The following DAB1 variants were observed in gnomAD, a reference collection of about 807,000 sequenced individuals.
DAB1 encodes DAB adaptor protein 1, also known as disabled homolog 1.
A neutral mutation model predicts 64.6 loss-of-function variants in DAB1; 15 were observed. The ratio of observed to expected loss-of-function variants is 0.23; its 90% CI spans 0.16 to 0.36. The LOEUF is 0.36. Ranked by LOEUF, DAB1 falls within the 10% of genes least tolerant of loss-of-function variation. The pLI is 1.00. For missense variants in DAB1, 596 were observed against 706.7 expected (o/e 0.84, Z 1.78); for synonymous variants, 235 against 251.9 (o/e 0.93, Z 0.64).
At chr1:58,210,866 T>A (rs779622198) in intron 4 of DAB1, among the ~76,000 whole-genome samples, 1 of 152,290 alleles carries the variant, frequency 6.6e-6, no homozygotes, top group Non-Finnish European at 1.5e-5. Flanking sequence ...AAATGTGCTA[T>A]GAGGGGCTAA....
intron 4 of DAB1, among the ~76,000 whole-genome samples, chr1:58,312,609 A>T (rs548168857): frequency 6.6e-6 from 1 of 152,236 alleles, no homozygotes; most frequent in Non-Finnish European, 1.5e-5. Flanking sequence ...GCTAAAACTT[A>T]TAAGTGTGAG....
At chr1:57,397,579 A>G (rs1159260610) in intron 1 of DAB1, among the ~76,000 whole-genome samples, 1 of 152,186 alleles carries the variant, frequency 6.6e-6, no homozygotes, top group Non-Finnish European at 1.5e-5. Flanking sequence ...GTGCACGTCC[A>G]CACAGTCACT....
At chr1:57,548,414 C>G (rs1644878952) in intron 7 of DAB1, among the ~76,000 whole-genome samples, 1 of 152,062 alleles carries the variant, frequency 6.6e-6, no homozygotes, top group South Asian at 2.1e-4. Flanking sequence ...AGGAACTGCT[C>G]TTTATTCACC....
At chr1:57,090,305 G>T (rs1484378368) in intron 4 of DAB1, among the ~76,000 whole-genome samples, 1 of 152,130 alleles carries the variant, frequency 6.6e-6, no homozygotes, top group Non-Finnish European at 1.5e-5. Context: ...TTCACCAGTT[G>T]CACCTGCAAG....
intron 4 of DAB1, among the ~76,000 whole-genome samples, chr1:58,176,438 G>A (rs1341775586): frequency 6.6e-6 from 1 of 152,120 alleles, no homozygotes; most frequent in Non-Finnish European, 1.5e-5. Context: ...TGGTCTCTTA[G>A]TCCATTTTGT....
At chr1:57,934,063 T>TTGCGTGTGTGTG (rs1553145085) in intron 5 of DAB1, among the ~76,000 whole-genome samples, 7 of 128,052 alleles carry the variant, frequency 5.5e-5, no homozygotes, top group Non-Finnish European at 1.1e-4. Flanking sequence ...GCCCAGCTAA[T>TTGCGTGTGTGTG]TGTGTGTGTG....
chr1:57,212,513 G>A (rs1269303942), intron 2 of DAB1, among the ~76,000 whole-genome samples: 1 of 151,282 alleles, frequency 6.6e-6, no homozygotes, highest in Admixed American at 6.6e-5. Context: ...GACTACAGAC[G>A]GCTGCCACCA....
intron 6 of DAB1, among the ~76,000 whole-genome samples, chr1:57,660,449 A>G (rs868842647): frequency 6.6e-6 from 1 of 152,194 alleles, no homozygotes; most frequent in African/African-American, 2.4e-5. Flanking sequence ...CTTGAGAGAT[A>G]CCAAGGGTAG....
At chr1:58,017,691 G>A (rs1182339210) in intron 5 of DAB1, among the ~76,000 whole-genome samples, 1 of 152,158 alleles carries the variant, frequency 6.6e-6, no homozygotes, top group African/African-American at 2.4e-5. Context: ...GCTACCCTGG[G>A]GGTAGAAGAC....
At chr1:57,853,547 G>A (rs1653624917) in intron 1 of DAB1, among the ~76,000 whole-genome samples, 2 of 151,990 alleles carry the variant, frequency 1.3e-5, no homozygotes, top group Non-Finnish European at 1.5e-5. Context: ...CTTTAGGCAG[G>A]ACCCAGAATC....
chr1:57,228,770 A>G (rs1303616318), intron 2 of DAB1, among the ~76,000 whole-genome samples: 1 of 152,206 alleles, frequency 6.6e-6, no homozygotes, highest in African/African-American at 2.4e-5. Context: ...AGGCCAAAGG[A>G]TAGAATAGTT....
At chr1:57,416,170 T>A (rs1289004999) in intron 1 of DAB1, among the ~76,000 whole-genome samples, 3 of 152,158 alleles carry the variant, frequency 2.0e-5, no homozygotes, top group Non-Finnish European at 4.4e-5. Context: ...ATATATACCA[T>A]AATATATGAA....
intron 1 of DAB1, among the ~76,000 whole-genome samples, chr1:57,353,942 T>G (rs990906929): frequency 6.6e-6 from 1 of 152,136 alleles, no homozygotes; most frequent in Non-Finnish European, 1.5e-5. Context: ...ACTTAAAAAT[T>G]CTCTAGTAAT....
At chr1:58,076,753 C>T (rs933765206) in intron 5 of DAB1, among the ~76,000 whole-genome samples, 2 of 152,222 alleles carry the variant, frequency 1.3e-5, no homozygotes, top group African/African-American at 4.8e-5. Flanking sequence ...TTCCCCTCCT[C>T]CTCGCTGCCC....
At chr1:57,789,119 TCCCTGAACCA>T (rs1019903998) in intron 6 of DAB1, among the ~76,000 whole-genome samples, 17 of 152,026 alleles carry the variant, frequency 1.1e-4, no homozygotes, top group Admixed American at 2.6e-4. Context: ...TTCTTTCACC[TCCCTGAACCA>T]CAACCTGCCC....
rs113937886 is a variant in DAB1, at chr1:58,293,247, C to T, written n.309+50105G>A. On this transcript the variant is annotated intron_variant and non_coding_transcript_variant, in intron 4 of 20. Transcript: ENST00000485760. ...ACTATGCAGATATCTTCATGACATC[C>T]GCCAGCAGCCAGAGTAGCCTAGAAG... 8.0e-3 allele frequency among the ~76,000 whole-genome samples: 1,213 copies of T among 152,264 alleles called. 8 individuals are homozygous for T. The highest frequency in any genetic ancestry group is 0.014 in the Non-Finnish European group (968 of 68,010).
chr1:57,924,363 A>G (rs1442848893), intron 5 of DAB1, among the ~76,000 whole-genome samples: 1 of 152,226 alleles, frequency 6.6e-6, no homozygotes, highest in Non-Finnish European at 1.5e-5. Context: ...ACAGAATTTT[A>G]CTGATTAAGA....
chr1:58,282,743 C>T (rs947442425), intron 4 of DAB1, among the ~76,000 whole-genome samples: 1 of 152,182 alleles, frequency 6.6e-6, no homozygotes, highest in Non-Finnish European at 1.5e-5. Context: ...AAATAAAAGA[C>T]ATGCCATTCA....
chr1:57,838,288 T>C (rs1399284810), intron 1 of DAB1, among the ~76,000 whole-genome samples: 2 of 152,202 alleles, frequency 1.3e-5, no homozygotes, highest in Non-Finnish European at 2.9e-5. Flanking sequence ...ATAAATATAA[T>C]CCCAATATTT....
Sources: gnomAD v4.1 joint callset for allele counts (sites outside exome capture counted in the v4.1 genomes callset) on GRCh38, gnomAD v4.1.1 for gene constraint, MANE v1.5 for transcripts, NCBI Gene and HGNC (gene_info 2026-07-23, HGNC 2026-07-21) for gene names.